GNG12: variants seen among roughly 807,000 people sequenced by gnomAD.
GNG12 encodes the protein guanine nucleotide-binding protein G(I)/G(S)/G(O) subunit gamma-12.
For synonymous variants in GNG12, 28 were observed against 29.7 expected (o/e 0.94, Z 0.19); for missense variants, 69 against 83.8 (o/e 0.82, Z 0.69).
At chr1:67,707,329 G>C (rs987491692) in intron 3 of GNG12, among the ~76,000 whole-genome samples, 1 of 152,214 alleles carries the variant, frequency 6.6e-6, no homozygotes, top group Non-Finnish European at 1.5e-5. Context: ...CAACGGACTT[G>C]ACCATGTTCA....
intron 2 of GNG12, among the ~76,000 whole-genome samples, chr1:67,752,970 C>T (rs1397953210): frequency 6.6e-6 from 1 of 152,170 alleles, no homozygotes; most frequent in African/African-American, 2.4e-5. Flanking sequence ...CAGGTGACTG[C>T]TACGCTGAAT....
At chr1:67,742,968 A>G (rs934964030) in intron 2 of GNG12, among the ~76,000 whole-genome samples, 1 of 152,152 alleles carries the variant, frequency 6.6e-6, no homozygotes, top group African/African-American at 2.4e-5. Context: ...GATGGTATGC[A>G]GGTCTGATAA....
At chr1:67,745,207 G>A (rs1225080587) in intron 2 of GNG12, among the ~76,000 whole-genome samples, 2 of 152,208 alleles carry the variant, frequency 1.3e-5, no homozygotes, top group African/African-American at 4.8e-5. Flanking sequence ...GGTAATAGAT[G>A]TGTCATCACA....
At chr1:67,794,641 T>A (rs543364969) in intron 1 of GNG12, among the ~76,000 whole-genome samples, 2 of 152,218 alleles carry the variant, frequency 1.3e-5, no homozygotes, top group Admixed American at 1.3e-4. Context: ...CCAAATTAGT[T>A]CAGCTTTTCT....
intron 1 of GNG12, among the ~76,000 whole-genome samples, chr1:67,796,239 T>G (rs961851124): frequency 6.6e-6 from 1 of 152,228 alleles, no homozygotes; most frequent in African/African-American, 2.4e-5. Flanking sequence ...CCCCAGTGTC[T>G]GAATGCTGTG....
chr1:67,715,680 G>A (rs1376855208), intron 2 of GNG12, among the ~76,000 whole-genome samples: 1 of 152,082 alleles, frequency 6.6e-6, no homozygotes, highest in Non-Finnish European at 1.5e-5. Context: ...TGTTCCCAGG[G>A]ACTGTATCGT....
chr1:67,705,448 C>G lies in GNG12; in HGVS notation c.*3G>C. The G allele has an allele frequency of 1.9e-6, 3 of 1,613,342 alleles. No individual in the cohort carries two copies. In the South Asian group the frequency reaches 3.3e-5, roughly 18 times the overall value. ...AGAGGCGAGGAGCTGTTTCTCTATT[C>G]CACTATAAGATGATGCAAGTTTTTT... On this transcript the variant is annotated 3_prime_UTR_variant, in exon 4 of 4. Transcript: ENST00000370982.
At chr1:67,769,496 A>G (rs1476876878) in intron 2 of GNG12, among the ~76,000 whole-genome samples, 3 of 152,188 alleles carry the variant, frequency 2.0e-5, no homozygotes, top group African/African-American at 7.2e-5. Flanking sequence ...CTCTGCATGG[A>G]GCCCTGATCA....
chr1:67,798,303 T>C (rs1371228919), intron 1 of GNG12, among the ~76,000 whole-genome samples: 3 of 152,138 alleles, frequency 2.0e-5, no homozygotes. Context: ...ATCTAGGTTG[T>C]ACACTCCTTA....
At chr1:67,760,375 A>T (rs1016526551) in intron 2 of GNG12, among the ~76,000 whole-genome samples, 2 of 152,218 alleles carry the variant, frequency 1.3e-5, no homozygotes, top group African/African-American at 4.8e-5. Context: ...TGGTAGGTCA[A>T]TCAGTTCAAT....
At chr1:67,766,482 G>A (rs74080883) in intron 2 of GNG12, among the ~76,000 whole-genome samples, 11,845 of 152,210 alleles carry the variant, frequency 0.078, 567 homozygotes, top group African/African-American at 0.1. Context: ...ATGTGATTAC[G>A]GCGGAGCATA....
intron 1 of GNG12, among the ~76,000 whole-genome samples, chr1:67,784,930 TG>T (rs1222700676): frequency 5.9e-5 from 9 of 152,284 alleles, no homozygotes; most frequent in Admixed American, 5.2e-4. Flanking sequence ...GTGAATGAGC[TG>T]GGGAGTATAA....
chr1:67,796,138 A>G (rs1570556052), intron 1 of GNG12, among the ~76,000 whole-genome samples: 1 of 152,202 alleles, frequency 6.6e-6, no homozygotes, highest in East Asian at 1.9e-4. Context: ...TAAATGCCCT[A>G]CTGACAAAAG....
intron 1 of GNG12, among the ~76,000 whole-genome samples, chr1:67,808,337 A>C (rs928017964): frequency 2.0e-5 from 3 of 152,110 alleles, no homozygotes; most frequent in African/African-American, 7.2e-5. Context: ...ACATCTACAA[A>C]ATAGCCCATA....
At chr1:67,719,574 T>C (rs2100686464) in intron 2 of GNG12, among the ~76,000 whole-genome samples, 1 of 152,358 alleles carries the variant, frequency 6.6e-6, no homozygotes, top group Admixed American at 6.5e-5. Context: ...ATTTAGTGCC[T>C]ACTGTGTATA....
intron 2 of GNG12, among the ~76,000 whole-genome samples, chr1:67,736,806 G>T (rs1436810691): frequency 6.6e-6 from 1 of 152,166 alleles, no homozygotes; most frequent in East Asian, 1.9e-4. Context: ...TGGTTTCCTT[G>T]GGTCATTTCT....
At chr1:67,749,591 C>T (rs774823431) in intron 2 of GNG12, among the ~76,000 whole-genome samples, 1 of 152,122 alleles carries the variant, frequency 6.6e-6, no homozygotes, top group Non-Finnish European at 1.5e-5. Flanking sequence ...CTGATTGCTG[C>T]CCCCAGGAAG....
intron 1 of GNG12, among the ~76,000 whole-genome samples, chr1:67,801,590 C>G (rs765045807): frequency 4.6e-5 from 7 of 152,016 alleles, no homozygotes; most frequent in Non-Finnish European, 8.8e-5. Context: ...AAGATTATAC[C>G]CAGCGATACC....
chr1:67,781,833 T>C (rs1393043997), intron 1 of GNG12, among the ~76,000 whole-genome samples: 2 of 152,112 alleles, frequency 1.3e-5, no homozygotes, highest in South Asian at 4.1e-4. Context: ...AGAAAACAGA[T>C]TGACGGAAGA....
Sources: gnomAD v4.1 joint callset for allele counts (sites outside exome capture counted in the v4.1 genomes callset) on GRCh38, gnomAD v4.1.1 for gene constraint, MANE v1.5 for transcripts, NCBI Gene and HGNC (gene_info 2026-07-23, HGNC 2026-07-21) for gene names.